MTRF1: variants seen among roughly 807,000 people sequenced by gnomAD.
MTRF1 encodes peptide chain release factor 1, mitochondrial.
In MTRF1, 51 loss-of-function variants were observed where a neutral mutation model predicts 62.9. The observed-to-expected ratio is 0.81, with a 90% CI of 0.65 to 1.02. MTRF1 has a LOEUF of 1.02. MTRF1 is among the 50% of genes least tolerant of loss of function. The probability of loss-of-function intolerance (pLI) is 0.00; values close to 1 mark genes in which losing one functional copy is unlikely to be tolerated. For synonymous variants in MTRF1, 158 were observed against 181.9 expected, an observed-to-expected ratio of 0.87 and a Z score of 1.06; for missense variants, 446 against 530.0, an observed-to-expected ratio of 0.84 and a Z score of 1.56.
the MTRF1 span, among the ~76,000 whole-genome samples, chr13:41,298,852 A>G: frequency 0.053 from 8,032 of 152,254 alleles, 284 homozygotes; most frequent in Non-Finnish European, 0.074. Context: ...AGAGGAGGAA[A>G]GGGAGGTAAA....
chr13:41,269,185 G>GTTTTTTTTTTTTTTTGTTTTTTT, the MTRF1 span, among the ~76,000 whole-genome samples: 2 of 96,464 alleles, frequency 2.1e-5, no homozygotes, highest in Non-Finnish European at 3.8e-5. Flanking sequence ...CTTTTACCTT[G>GTTTTTTTTTTTTTTTGTTTTTTT]TTTTTTTTTT....
At chr13:41,289,535 C>T in the MTRF1 span, among the ~76,000 whole-genome samples, 2 of 152,150 alleles carry the variant, frequency 1.3e-5, no homozygotes, top group African/African-American at 4.8e-5. Context: ...CGTGCCCAGC[C>T]GAAAAGTGGA....
the MTRF1 span, among the ~76,000 whole-genome samples, chr13:41,271,082 C>CACACACACAT: frequency 1.2e-4 from 18 of 149,944 alleles, no homozygotes; most frequent in Non-Finnish European, 2.2e-4. Flanking sequence ...CACACACACA[C>CACACACACAT]ACACACACAC....
At chr13:41,288,157 G>C in the MTRF1 span, 1 of 508,524 alleles carries the variant, frequency 2.0e-6, no homozygotes, top group East Asian at 5.7e-5. Flanking sequence ...TATCCCATAA[G>C]CCCAGATTCA....
chr13:41,246,626 C>T (rs537584814), intron 5 of MTRF1, among the ~76,000 whole-genome samples: 1 of 152,194 alleles, frequency 6.6e-6, no homozygotes, highest in South Asian at 2.1e-4. Context: ...GCATTTAGGG[C>T]ACAGATGATA....
the MTRF1 span, among the ~76,000 whole-genome samples, chr13:41,301,802 AT>A: frequency 7.2e-5 from 11 of 152,028 alleles, no homozygotes; most frequent in Non-Finnish European, 2.9e-5. Flanking sequence ...AGTCTGTCTT[AT>A]TATGTAGATA....
At chr13:41,226,620 A>G in intron 7 of MTRF1, 52 bp from the exon 8 acceptor site, 1 of 1,595,438 alleles carries the variant, frequency 6.3e-7, no homozygotes, top group Non-Finnish European at 8.6e-7. Context: ...CCAAATTAAG[A>G]TAGAACCAAG....
At chr13:41,289,674 A>G in the MTRF1 span, among the ~76,000 whole-genome samples, 1 of 152,192 alleles carries the variant, frequency 6.6e-6, no homozygotes, top group East Asian at 1.9e-4. Context: ...TGCCGATCTG[A>G]TCCACGACAG....
chr13:41,228,612 T>G (rs1421337211), intron 7 of MTRF1, among the ~76,000 whole-genome samples: 1 of 146,250 alleles, frequency 6.8e-6, no homozygotes, highest in Non-Finnish European at 1.5e-5. Context: ...AGAGGCCATC[T>G]TTTACTCACC....
At chr13:41,273,127 C>A in the MTRF1 span, among the ~76,000 whole-genome samples, 1 of 151,932 alleles carries the variant, frequency 6.6e-6, no homozygotes, top group Non-Finnish European at 1.5e-5. Context: ...GAGATCGAGA[C>A]CATCCTAGCT....
chr13:41,232,521 A>C (rs1203281605), intron 7 of MTRF1, among the ~76,000 whole-genome samples: 1 of 152,234 alleles, frequency 6.6e-6, no homozygotes, highest in Admixed American at 6.5e-5. Context: ...CAATGTTCTA[A>C]GGGGAAATTA....
At chr13:41,275,025 C>A in the MTRF1 span, among the ~76,000 whole-genome samples, 1 of 152,128 alleles carries the variant, frequency 6.6e-6, no homozygotes, top group African/African-American at 2.4e-5. Flanking sequence ...CATAGTAATT[C>A]TTGATTACTG....
chr13:41,242,496 T>C (rs2037645701), intron 5 of MTRF1, among the ~76,000 whole-genome samples: 1 of 152,206 alleles, frequency 6.6e-6, no homozygotes, highest in South Asian at 2.1e-4. Flanking sequence ...GGTTGTCCAC[T>C]ACTACTGGAT....
intron 6 of MTRF1, chr13:41,235,281 T>C (rs1377544608): frequency 6.6e-6 from 1 of 152,106 alleles, no homozygotes; most frequent in African/African-American, 2.4e-5. Context: ...TGAACCATTG[T>C]TCCTAACACT....
chr13:41,271,002 G>A, the MTRF1 span, among the ~76,000 whole-genome samples: 1 of 151,830 alleles, frequency 6.6e-6, no homozygotes, highest in Non-Finnish European at 1.5e-5. Context: ...GCCTCCCAAA[G>A]TGCTGGGATT....
At chr13:41,307,410 G>A in the MTRF1 span, among the ~76,000 whole-genome samples, 3 of 152,110 alleles carry the variant, frequency 2.0e-5, no homozygotes, top group African/African-American at 4.8e-5. Context: ...TGGATCACAA[G>A]GTCAAGAGTT....
intron 5 of MTRF1, among the ~76,000 whole-genome samples, chr13:41,240,849 T>A (rs1476303531): frequency 6.6e-6 from 1 of 152,200 alleles, no homozygotes; most frequent in Non-Finnish European, 1.5e-5. Context: ...ATGTTTTCTG[T>A]ATTGAACTAC....
chr13:41,222,483 T>C (rs1307424794), intron 9 of MTRF1, among the ~76,000 whole-genome samples: 2 of 152,168 alleles, frequency 1.3e-5, no homozygotes, highest in South Asian at 2.1e-4. Flanking sequence ...GTGAAAATGA[T>C]GGAGTATCAT....
chr13:41,297,520 T>C, the MTRF1 span, among the ~76,000 whole-genome samples: 1 of 151,966 alleles, frequency 6.6e-6, no homozygotes, highest in Non-Finnish European at 1.5e-5. Context: ...TCTCCCACAA[T>C]ACAAAGTAAT....
Sources: gnomAD v4.1 joint callset for allele counts (sites outside exome capture counted in the v4.1 genomes callset) on GRCh38, gnomAD v4.1.1 for gene constraint, MANE v1.5 for transcripts, NCBI Gene and HGNC (gene_info 2026-07-23, HGNC 2026-07-21) for gene names.